TOX: variants seen among roughly 807,000 people sequenced by gnomAD.
TOX encodes thymocyte selection-associated high mobility group box protein TOX.
In TOX, 11 loss-of-function variants were observed where a neutral mutation model predicts 53.7. The observed-to-expected ratio is 0.20, with a 90% CI of 0.13 to 0.34. The LOEUF is 0.34. Ranked by LOEUF, TOX falls within the 10% of genes least tolerant of loss-of-function variation. The pLI, the probability that TOX is intolerant of heterozygous loss-of-function variation, is 1.00. For missense variants in TOX, 570 were observed against 664.6 expected (o/e 0.86, Z 1.56); for synonymous variants, 225 against 245.3 (o/e 0.92, Z 0.77).
intron 1 of TOX, among the ~76,000 whole-genome samples, chr8:59,109,587 C>T (rs1804976227): frequency 6.6e-6 from 1 of 152,018 alleles, no homozygotes; most frequent in Admixed American, 6.6e-5. Context: ...CCTTTTATAG[C>T]CATCAGGGGA....
chr8:58,926,771 C>T (rs72651314), intron 3 of TOX, among the ~76,000 whole-genome samples: 133 of 152,272 alleles, frequency 8.7e-4, no homozygotes, highest in Non-Finnish European at 1.8e-3. Flanking sequence ...GGCGGAGACC[C>T]CAACTCCTGG....
intron 6 of TOX, among the ~76,000 whole-genome samples, chr8:58,825,092 T>C (rs1810344135): frequency 2.0e-5 from 3 of 152,236 alleles, no homozygotes; most frequent in Non-Finnish European, 2.9e-5. Context: ...TAGATTTTTA[T>C]ATATGTGATT....
intron 1 of TOX, among the ~76,000 whole-genome samples, chr8:59,045,431 G>T (rs1458993418): frequency 1.3e-5 from 2 of 152,148 alleles, no homozygotes; most frequent in Non-Finnish European, 2.9e-5. Context: ...CTTGTAACTG[G>T]TGCAAAAATA....
At chr8:58,937,952 T>A (rs1453820558) in intron 3 of TOX, among the ~76,000 whole-genome samples, 1 of 152,166 alleles carries the variant, frequency 6.6e-6, no homozygotes, top group African/African-American at 2.4e-5. Flanking sequence ...TTTACACATT[T>A]AGCACGTTAA....
chr8:58,808,041 A>G (rs1810010162), intron 8 of TOX, 77 bp downstream of exon 8: 10 of 1,529,772 alleles, frequency 6.5e-6, no homozygotes, highest in Non-Finnish European at 2.6e-6. Flanking sequence ...TTTTGGAAAC[A>G]AGAGAACGAT....
chr8:59,051,521 T>A (rs1315208625), intron 1 of TOX, among the ~76,000 whole-genome samples: 1 of 152,122 alleles, frequency 6.6e-6, no homozygotes, highest in Non-Finnish European at 1.5e-5. Context: ...GCATTGAAGA[T>A]CAATTATTCA....
chr8:58,891,113 G>A (rs925379809), intron 3 of TOX, among the ~76,000 whole-genome samples: 6 of 152,070 alleles, frequency 3.9e-5, no homozygotes, highest in African/African-American at 1.4e-4. Flanking sequence ...TTTGAAGTAT[G>A]GGGTGATAAA....
chr8:58,977,421 C>A (rs1024951847), intron 1 of TOX, among the ~76,000 whole-genome samples: 3 of 152,182 alleles, frequency 2.0e-5, no homozygotes, highest in Non-Finnish European at 4.4e-5. Flanking sequence ...ATCCAGATCA[C>A]CAAAACTTTC....
At chr8:58,925,405 A>C (rs1158435053) in intron 3 of TOX, among the ~76,000 whole-genome samples, 2 of 152,236 alleles carry the variant, frequency 1.3e-5, no homozygotes, top group Non-Finnish European at 2.9e-5. Context: ...AGAAGACCAC[A>C]GGGAAGGACG....
chr8:58,827,855 T>C (rs1309048932), intron 5 of TOX, among the ~76,000 whole-genome samples: 1 of 152,196 alleles, frequency 6.6e-6, no homozygotes, highest in East Asian at 1.9e-4. Flanking sequence ...GGCTTTAGAG[T>C]ATATTTTTTG....
chr8:59,083,252 T>C (rs1428826707), intron 1 of TOX, among the ~76,000 whole-genome samples: 1 of 152,256 alleles, frequency 6.6e-6, no homozygotes, highest in Non-Finnish European at 1.5e-5. Flanking sequence ...TCTTGGAACC[T>C]ACTTTTTATT....
intron 3 of TOX, among the ~76,000 whole-genome samples, chr8:58,891,572 G>T (rs1001492290): frequency 1.3e-5 from 2 of 152,122 alleles, no homozygotes; most frequent in African/African-American, 2.4e-5. Context: ...TTGTAATCAC[G>T]CCACCCGACT....
At chr8:58,828,903 A>G (rs2129166044) in intron 5 of TOX, among the ~76,000 whole-genome samples, 1 of 152,286 alleles carries the variant, frequency 6.6e-6, no homozygotes, top group Middle Eastern at 3.4e-3. Context: ...ACATTTAGTC[A>G]ATACGTCTTT....
At chr8:58,838,039 T>C in intron 5 of TOX, 42 bp downstream of exon 5, 1 of 1,592,106 alleles carries the variant, frequency 6.3e-7, no homozygotes, top group Non-Finnish European at 8.6e-7. Context: ...GACTGCACAA[T>C]CTCAGCTTAT....
At position 58,893,478 on chromosome 8, in the gene TOX, T is replaced by TGAAAATATA. The variant is rs138263089; in HGVS notation, c.412-41682_412-41674dup. Among the ~76,000 whole-genome samples, 1,088 of 152,324 alleles carry TGAAAATATA rather than the reference T, an allele frequency of 7.1e-3. 15 individuals are homozygous for TGAAAATATA. Among genetic ancestry groups the TGAAAATATA allele is most frequent in the African/African-American group, 0.024 (981 of 41,572 alleles). The stretch of plus-strand genomic sequence containing the variant: ...AGTGTTTTCAAAGTCTTGTCAAAAC[T>TGAAAATATA]GAAAATATAATTTTGAAATCTACAG... On this transcript the variant is annotated intron_variant, in intron 3 of 8. Transcript: ENST00000361421.
chr8:59,095,648 C>T (rs1229066421), intron 1 of TOX, among the ~76,000 whole-genome samples: 1 of 152,054 alleles, frequency 6.6e-6, no homozygotes, highest in Non-Finnish European at 1.5e-5. Context: ...GATCCACCTG[C>T]CTCAGCCTCC....
intron 1 of TOX, among the ~76,000 whole-genome samples, chr8:59,014,114 T>A (rs184190453): frequency 1.3e-5 from 2 of 152,362 alleles, no homozygotes; most frequent in East Asian, 3.9e-4. Context: ...ATCCAGCATC[T>A]TTAAAGAGTG....
In TOX at chr8:58,815,650, A is replaced by G. The variant is rs1563360748; in HGVS notation, c.1080T>C (p.His360=). The G allele has an allele frequency of 2.5e-6, 4 of 1,614,148 alleles. No individual in the cohort carries two copies. Among genetic ancestry groups the G allele is most frequent in the South Asian group, 1.1e-5 (1 of 91,076 alleles). ...GGGCCGAGTGGGCCTGGCTGGGCCC[A>G]TGGAACACCGACGGCTTCGAATTGA... ...QLINSKPSVF[H]GPSQAHSALY... Residue 360 remains histidine (H), a synonymous_variant, in exon 7 of 9, where the codon CAT becomes CAC. Transcript: ENST00000361421.
At chr8:59,055,391 A>T (rs1024880564) in intron 1 of TOX, among the ~76,000 whole-genome samples, 1 of 152,186 alleles carries the variant, frequency 6.6e-6, no homozygotes, top group East Asian at 1.9e-4. Context: ...ACAAGGGCCC[A>T]CATGAATGCT....
Sources: allele counts gnomAD v4.1 joint callset (sites outside exome capture counted in the v4.1 genomes callset), GRCh38; gene constraint gnomAD v4.1.1; transcripts MANE v1.5; gene names NCBI Gene and HGNC (gene_info 2026-07-23, HGNC 2026-07-21).